The following DOP1A variants were observed in gnomAD, a reference collection of about 807,000 sequenced individuals.
The protein encoded by DOP1A is protein DOP1A.
Under a neutral mutation model 267.6 loss-of-function variants are expected in DOP1A, and 90 were observed. The ratio of observed to expected loss-of-function variants is 0.34; its 90% CI spans 0.28 to 0.40. The LOEUF (loss-of-function observed/expected upper bound fraction) is 0.40. Among genes scored for constraint, DOP1A ranks in the 10% least tolerant of loss-of-function variants. The pLI, the probability that DOP1A is intolerant of heterozygous loss-of-function variation, is 1.00. For missense variants in DOP1A, 2,437 were observed against 2,900.4 expected, an observed-to-expected ratio of 0.84 and a Z score of 3.67; for synonymous variants, 932 against 999.1, an observed-to-expected ratio of 0.93 and a Z score of 1.27.
chr6:83,076,388 G>T (rs1767098314), intron 1 of DOP1A, among the ~76,000 whole-genome samples: 2 of 152,112 alleles, frequency 1.3e-5, no homozygotes, highest in Non-Finnish European at 2.9e-5. Context: ...TGGGCGTGGT[G>T]GTGCACACCT....
chr6:83,125,806 C>A, intron 15 of DOP1A, 73 bp downstream of exon 15: 1 of 1,256,064 alleles, frequency 8.0e-7, no homozygotes, highest in South Asian at 1.4e-5. Flanking sequence ...TTAGTAAAAT[C>A]ACTTATACAT....
intron 4 of DOP1A, among the ~76,000 whole-genome samples, chr6:83,108,339 C>T (rs1285823322): frequency 6.6e-6 from 1 of 152,068 alleles, no homozygotes; most frequent in African/African-American, 2.4e-5. Flanking sequence ...GCCACTGTGC[C>T]CAGCTAATTT....
intron 19 of DOP1A, 94 bp downstream of exon 19, chr6:83,134,381 T>C: frequency 3.3e-6 from 3 of 902,236 alleles, no homozygotes; most frequent in Middle Eastern, 3.3e-4. Flanking sequence ...GTGTAGGAGA[T>C]AGCAATTTAC....
Position 83,167,065 on chromosome 6 carries a change from G to C in DOP1A, c.7093-797G>C, listed in dbSNP as rs1465967520. 5.1e-6 allele frequency: 5 copies of C among 984,848 alleles called. No individual in the cohort carries two copies. The African/African-American group carries it at 8.7e-5, about 17-fold the overall frequency. The allele number at this position is 984,848 out of a possible 1,614,324, so 61.0% of individuals were successfully genotyped here. A position where few individuals can be genotyped will look rare whatever the true frequency, so the allele number is the denominator to read the frequency against. ...GTAATTCAGGTGGCTTCTCAAACTA[G>C]CCTCTTAATACCCAAATTATTAGTC... On this transcript the variant is annotated intron_variant, in intron 38 of 38. Coordinates refer to ENST00000349129, the MANE Select transcript of DOP1A (RefSeq NM_015018.4).
chr6:83,124,748 A>G lies in DOP1A; in HGVS notation c.1384A>G (p.Asn462Asp). Residue 462 changes from asparagine to aspartate, a missense_variant, in exon 13 of 39, where the codon AAT (asparagine) becomes GAT (aspartate). Asn to Asp is a conservative substitution (Grantham distance 23). Around this residue, in one of 9 missense-constraint regions of DOP1A, gnomAD observed 498 missense variants for 513.5 expected, o/e 0.97. Coordinates refer to ENST00000349129, the MANE Select transcript of DOP1A (RefSeq NM_015018.4). ...ACTTCAGATTGGACCTGGAGATAGT[A>G]ATGACTCATCTGAATTACAGCTGAC... is the stretch of plus-strand genomic sequence containing the variant. The part of the protein sequence containing the change: ...VRLQIGPGDS[N>D]DSSELQLTNF... 1 of 1,613,236 alleles carries G rather than the reference A, an allele frequency of 6.2e-7. No homozygotes were observed. The highest frequency in any genetic ancestry group is 8.5e-7 in the Non-Finnish European group (1 of 1,179,560).
At chr6:83,082,768 C>T (rs1048641363) in intron 1 of DOP1A, among the ~76,000 whole-genome samples, 1 of 151,352 alleles carries the variant, frequency 6.6e-6, no homozygotes, top group African/African-American at 2.4e-5. Flanking sequence ...ACAATTTTAT[C>T]TGTCAATTTG....
intron 24 of DOP1A, 67 bp from the exon 25 acceptor site, chr6:83,145,457 C>T: frequency 7.6e-7 from 1 of 1,314,098 alleles, no homozygotes; most frequent in African/African-American, 1.5e-5. Context: ...ATAAAATACT[C>T]TCTTCTGTAA....
chr6:83,115,337 C>T (rs1391062012), intron 7 of DOP1A, among the ~76,000 whole-genome samples: 1 of 152,156 alleles, frequency 6.6e-6, no homozygotes, highest in Non-Finnish European at 1.5e-5. Flanking sequence ...ATTCTGGAAT[C>T]TGTAAATGGA....
At chr6:83,170,296 C>G (rs374940382), downstream of DOP1A, 1 of 1,613,622 alleles carries the variant, frequency 6.2e-7, no homozygotes, top group Non-Finnish European at 8.5e-7. Context: ...TAGAACTATC[C>G]CAGCTTACTT....
In DOP1A at chr6:83,100,716, T is replaced by A. The variant is rs1772420240; in HGVS notation, c.150T>A (p.Asn50Lys). The change falls in exon 4 of 39, where the codon AAT (asparagine) becomes AAA (lysine). Residue 50 changes from asparagine to lysine, a missense_variant. Physicochemically the swap from Asn to Lys is moderately conservative, Grantham distance 94. Transcript: ENST00000349129. The stretch of plus-strand genomic sequence containing the variant: ...ATGCTTTCTTCAAGGTTTTACAAAA[T>A]AATGCAAAGTACCAAGTAGTACCCA... Reference protein sequence around the residue: ...ALGKLNKVLQNNAKYQVVPKK... With the variant: ...ALGKLNKVLQKNAKYQVVPKK... 1 of 1,474,288 alleles carries A rather than the reference T, an allele frequency of 6.8e-7. No individual in the cohort carries two copies. Among genetic ancestry groups the A allele is most frequent in the Non-Finnish European group, 9.0e-7 (1 of 1,109,144 alleles). 91.3% of individuals were successfully genotyped at this position (1,474,288 alleles called of 1,614,324 possible).
At position 83,154,185 on chromosome 6, in the gene DOP1A, G is replaced by A. The variant is rs758355542; in HGVS notation, c.6395G>A (p.Arg2132Lys). Residue 2132 changes from arginine (R) to lysine (K), a missense_variant, in exon 33 of 39, where the codon AGA becomes AAA. Transcript: ENST00000349129. ...GTAATCCTTATCTCTTTCAGTTGGA[G>A]AGCAATTATGGACAATCTGATGACA... is the stretch of plus-strand genomic sequence containing the variant. ...QMDASCVNHW[R>K]AIMDNLMTHD... 5.2e-5 allele frequency: 84 copies of A among 1,613,714 alleles called. No homozygotes were observed. The highest frequency in any genetic ancestry group is 1.3e-4 in the Admixed American group (8 of 59,998).
Position 83,129,597 on chromosome 6 carries a change from T to A in DOP1A, c.2341+89T>A, listed in dbSNP as rs540388089. 1,998 of 1,266,058 alleles carry A rather than the reference T, an allele frequency of 1.6e-3. 4 individuals are homozygous for A. The highest frequency in any genetic ancestry group is 1.9e-3 in the Non-Finnish European group (1,831 of 969,002). The allele number at this position is 1,266,058 out of a possible 1,614,324, so 78.4% of individuals were successfully genotyped here. ...AGAGGCACTCAAAACTGGGGTTTTTTTAGCCAGTTACTTTTTTTAATGTTT... is the reference window on the plus strand; with the variant it reads ...AGAGGCACTCAAAACTGGGGTTTTTATAGCCAGTTACTTTTTTTAATGTTT... On this transcript the variant is annotated intron_variant, in intron 16 of 38. Transcript: ENST00000349129.
intron 27 of DOP1A, among the ~76,000 whole-genome samples, chr6:83,149,490 A>G (rs1781204922): frequency 6.6e-6 from 1 of 152,154 alleles, no homozygotes; most frequent in Non-Finnish European, 1.5e-5. Context: ...ACCTTGTCTG[A>G]TTTGGTAATA....
intron 1 of DOP1A, among the ~76,000 whole-genome samples, chr6:83,095,474 T>A (rs1771307103): frequency 6.6e-6 from 1 of 152,152 alleles, no homozygotes; most frequent in Non-Finnish European, 1.5e-5. Context: ...TAGCATCCCC[T>A]AAGGCCCACT....
At chr6:83,126,547 G>A (rs955350097) in intron 15 of DOP1A, among the ~76,000 whole-genome samples, 1 of 152,092 alleles carries the variant, frequency 6.6e-6, no homozygotes, top group African/African-American at 2.4e-5. Flanking sequence ...ACAAGTAAGT[G>A]CACATTTAAT....
Position 83,137,906 on chromosome 6 carries a change from G to A in DOP1A, c.3864G>A (p.Lys1288=), listed in dbSNP as rs1490497980. 2.5e-6 allele frequency: 4 copies of A among 1,611,994 alleles called. No homozygotes were observed. The South Asian group carries it at 4.4e-5, about 18-fold the overall frequency. The change falls in exon 21 of 39, where the codon AAG becomes AAA. Residue 1288 remains lysine (K), a synonymous_variant. Transcript: ENST00000349129. ...EKVSEKETIV[K]ESGKQPGAKP... ...TTTCGGAGAAGGAAACAATAGTTAA[G>A]GAGTCAGGTAAACAACCAGGAGCAA...
intron 18 of DOP1A, among the ~76,000 whole-genome samples, chr6:83,133,193 G>A (rs1402952971): frequency 6.6e-6 from 1 of 151,904 alleles, no homozygotes; most frequent in Non-Finnish European, 1.5e-5. Context: ...AAAAATAATA[G>A]GTAAGCACTG....
Position 83,118,959 on chromosome 6 carries a change from G to T in DOP1A, c.852G>T (p.Leu284=). The T allele has an allele frequency of 6.2e-7, 1 of 1,613,634 alleles. No homozygotes were observed. The highest frequency in any genetic ancestry group is 1.3e-5 in the African/African-American group (1 of 75,024). The change falls in exon 8 of 39, where the codon CTG becomes CTT. Residue 284 remains leucine, a synonymous_variant. Transcript: ENST00000349129. The stretch of plus-strand genomic sequence containing the variant: ...TAGTGCTAAGGAGGGATATGTCTCT[G>T]AATCGAAGACTTTATGCATGGCTTC... ...LHVVLRRDMS[L]NRRLYAWLLG... is the part of the protein sequence containing the mutation.
At chr6:83,111,334 A>C (rs1774524518) in intron 6 of DOP1A, among the ~76,000 whole-genome samples, 2 of 150,352 alleles carry the variant, frequency 1.3e-5, no homozygotes, top group South Asian at 4.2e-4. Flanking sequence ...TCTATTGAAC[A>C]CTCATGTATG....
Sources: gnomAD v4.1 joint callset for allele counts (sites outside exome capture counted in the v4.1 genomes callset) on GRCh38, gnomAD v4.1.1 for gene constraint, gnomAD v4.1.1 regional missense constraint, MANE v1.5 for transcripts, NCBI Gene and HGNC (gene_info 2026-07-23, HGNC 2026-07-21) for gene names.